ACOX3: variants seen among roughly 807,000 people sequenced by gnomAD.
ACOX3 encodes the protein acyl-CoA oxidase 3, pristanoyl, also known as peroxisomal acyl-coenzyme A oxidase 3.
Under a neutral mutation model 81.5 loss-of-function variants are expected in ACOX3, and 73 were observed. The ratio of observed to expected loss-of-function variants is 0.90; its 90% CI spans 0.74 to 1.09. The LOEUF is 1.09. Among genes scored for constraint, ACOX3 ranks in the 50% least tolerant of loss-of-function variants. The pLI, the probability that ACOX3 is intolerant of heterozygous loss-of-function variation, is 0.00. For missense variants in ACOX3, 947 were observed against 928.0 expected (o/e 1.02, Z -0.27); for synonymous variants, 387 against 375.1 (o/e 1.03, Z -0.37).
At chr4:8,417,075 G>C (rs1013009755) in intron 1 of ACOX3, among the ~76,000 whole-genome samples, 1 of 152,202 alleles carries the variant, frequency 6.6e-6, no homozygotes, top group Non-Finnish European at 1.5e-5. Flanking sequence ...GCTTCTCCTC[G>C]ACATATAGAC....
intron 13 of ACOX3, among the ~76,000 whole-genome samples, chr4:8,387,619 T>C (rs959308787): frequency 6.6e-6 from 1 of 152,194 alleles, no homozygotes; most frequent in South Asian, 2.1e-4. Context: ...AGACGGGGGC[T>C]GTGGTGGGAG....
At chr4:8,356,478 T>G in the ACOX3 span, 1 of 444,620 alleles carries the variant, frequency 2.2e-6, no homozygotes. Context: ...TGTACATTCA[T>G]GTTACTTGAC....
chr4:8,395,641 G>T (rs192083693), intron 9 of ACOX3, among the ~76,000 whole-genome samples: 1 of 152,328 alleles, frequency 6.6e-6, no homozygotes, highest in Admixed American at 6.5e-5. Flanking sequence ...CTTGCCTGGG[G>T]GCACACAGCC....
intron 16 of ACOX3, among the ~76,000 whole-genome samples, chr4:8,372,491 C>A (rs915942548): frequency 1.3e-5 from 2 of 152,206 alleles, no homozygotes; most frequent in Admixed American, 1.3e-4. Flanking sequence ...CTCTGAAGGC[C>A]TCCATGGGGT....
chr4:8,424,906 A>G (rs540758192), intron 1 of ACOX3, among the ~76,000 whole-genome samples: 1 of 152,364 alleles, frequency 6.6e-6, no homozygotes, highest in South Asian at 2.1e-4. Context: ...TGATAATGGA[A>G]TACTTGAAAG....
intron 10 of ACOX3, chr4:8,393,023 C>G (rs1239147420): frequency 6.6e-6 from 1 of 152,038 alleles, no homozygotes; most frequent in Non-Finnish European, 1.5e-5. Flanking sequence ...CTGTCCATGG[C>G]CAAACTACCC....
rs578079381 is a variant in ACOX3 at position 8,425,876 on chromosome 4, C to T, written c.-14-9341G>A. Reference sequence around the variant, plus strand: ...GCAGTAACCCAGCGAGTATCGCAGACGTTACTTAGGCATACAATATCACTT... The same window carrying T: ...GCAGTAACCCAGCGAGTATCGCAGATGTTACTTAGGCATACAATATCACTT... On this transcript the variant is annotated intron_variant, in intron 1 of 17. Transcript: ENST00000356406. 6.5e-4 allele frequency among the ~76,000 whole-genome samples: 99 copies of T among 152,148 alleles called. 1 individual carries two copies. Among genetic ancestry groups the T allele is most frequent in the Non-Finnish European group, 7.1e-4 (48 of 68,014 alleles).
intron 11 of ACOX3, 30 bp downstream of exon 11, chr4:8,392,303 G>A: frequency 6.7e-7 from 1 of 1,494,204 alleles, no homozygotes; most frequent in Non-Finnish European, 8.9e-7. Context: ...CTAAGGACAG[G>A]AAACCACCAT....
rs141176489 is a variant in ACOX3, at chr4:8,390,381, A to G, written c.1301-647T>C. Among the ~76,000 whole-genome samples, 1,193 of 150,708 alleles carry G rather than the reference A, an allele frequency of 7.9e-3. 8 individuals carry two copies. Among genetic ancestry groups the G allele is most frequent in the Non-Finnish European group, 0.013 (864 of 67,796 alleles). On this transcript the variant is annotated intron_variant, in intron 11 of 17. Coordinates refer to ENST00000356406, the MANE Select transcript of ACOX3 (RefSeq NM_003501.3). ...CCCTGAACTCAGCTTGACCAGACAC[A>G]AAGAACTGCCACCTGTGCTTCATAT...
rs185636439 is a variant in ACOX3, at chr4:8,423,855, T to A, written c.-14-7320A>T. Among the ~76,000 whole-genome samples, 162 of 152,334 alleles carry A rather than the reference T, an allele frequency of 1.1e-3. 2 individuals are homozygous for A. Among genetic ancestry groups the A allele is most frequent in the Middle Eastern group, 3.4e-3 (1 of 294 alleles). On this transcript the variant is annotated intron_variant, in intron 1 of 17. Transcript: ENST00000356406. The surrounding 1 kb of genome is among the most constrained non-coding windows in gnomAD (Gnocchi z 4.2). ...CCCAAGGGTTCATGGACAGCCCCCA[T>A]CTATTTGGCCAGGCATTAGCCCGAG...
At chr4:8,373,356 G>A (rs1443477384) in intron 16 of ACOX3, among the ~76,000 whole-genome samples, 2 of 151,968 alleles carry the variant, frequency 1.3e-5, no homozygotes, top group African/African-American at 4.8e-5. Context: ...GGCGGTGTGT[G>A]TCAGCTCTGG....
At chr4:8,377,894 G>A (rs377135457) in intron 14 of ACOX3, among the ~76,000 whole-genome samples, 23 of 152,174 alleles carry the variant, frequency 1.5e-4, no homozygotes, top group African/African-American at 5.3e-4. Context: ...CACTCCAGCC[G>A]AGAGTGCTCA....
chr4:8,375,081 C>T lies in ACOX3; in HGVS notation c.1725G>A (p.Val575=). ...LTVVQRFHEH[V]HQPSVPPSLR... ...GCGAGGGCGGCACGGAAGGCTGGTG[C>T]ACGTGCTCGTGGAACCTCTGGACCA... The change falls in exon 15 of 18, where the codon GTG becomes GTA. Residue 575 remains valine (V), a synonymous_variant. Transcript: ENST00000356406. 6.4e-7 allele frequency: 1 copy of T among 1,554,140 alleles called. No homozygotes were observed. The highest frequency in any genetic ancestry group is 8.7e-7 in the Non-Finnish European group (1 of 1,148,698).
In ACOX3 at chr4:8,400,643, G is replaced by T. The variant is rs1720268424; in HGVS notation, c.777-991C>A. Among the ~76,000 whole-genome samples, 1 of 152,192 alleles carries T rather than the reference G, an allele frequency of 6.6e-6. No homozygotes were observed. ...ACAACAGTCTAGGGAATAAGGCTAT[G>T]CTAGGTTAAGAATATTACATAAACT... On this transcript the variant is annotated intron_variant, in intron 7 of 17. Coordinates refer to ENST00000356406, the MANE Select transcript of ACOX3 (RefSeq NM_003501.3). The surrounding 1 kb of genome is among the most constrained non-coding windows in gnomAD (Gnocchi z 4.4).
chr4:8,375,139 C>T lies in ACOX3; in HGVS notation c.1667G>A (p.Arg556His), dbSNP rs745946888. 26 of 1,546,466 alleles carry T rather than the reference C, an allele frequency of 1.7e-5. No homozygotes were observed. The South Asian group carries it at 2.7e-4, about 16-fold the overall frequency. The part of the protein sequence containing the change: ...ARNKCQVSHG[R>H]PLALAFVELT... The stretch of plus-strand genomic sequence containing the variant: ...CTCCACGAAGGCCAGCGCCAACGGA[C>T]GGCCGTGGGACACCTGGAACACAGG... Residue 556 changes from arginine (R) to histidine (H), a missense_variant, in exon 15 of 18, where the codon CGT (arginine) becomes CAT (histidine). Coordinates refer to ENST00000356406, the MANE Select transcript of ACOX3 (RefSeq NM_003501.3).
rs1314582382 is a variant in ACOX3, at chr4:8,370,891, C to T, written c.1983+17G>A. ...CAACCCTTGGGGCACTCCCGTGAGG[C>T]CCTGTCCTCCCTTTACCTCGCCGTC... On this transcript the variant is annotated intron_variant, in intron 17 of 17. Coordinates refer to ENST00000356406, the MANE Select transcript of ACOX3 (RefSeq NM_003501.3). This position sits in a 1 kb window ranked among gnomAD's most constrained non-coding sequence, Gnocchi z 6.3. The T allele has an allele frequency of 4.3e-6, 7 of 1,611,848 alleles. No individual in the cohort carries two copies. Among genetic ancestry groups the T allele is most frequent in the East Asian group, 2.2e-5 (1 of 44,886 alleles).
intron 7 of ACOX3, among the ~76,000 whole-genome samples, chr4:8,404,261 GA>G (rs979786157): frequency 1.2e-4 from 18 of 152,322 alleles, no homozygotes; most frequent in African/African-American, 3.8e-4. Context: ...GGCACCCTGC[GA>G]AAGTAGTCAT....
At chr4:8,387,196 C>T (rs1046038915) in intron 13 of ACOX3, among the ~76,000 whole-genome samples, 11 of 152,266 alleles carry the variant, frequency 7.2e-5, no homozygotes, top group Non-Finnish European at 1.6e-4. Context: ...GCACTAAGTG[C>T]TTTACGTGCA....
rs773420966 is a variant in ACOX3 at position 8,366,949 on chromosome 4, G to T, written c.*12C>A. The T allele has an allele frequency of 6.2e-7, 1 of 1,613,470 alleles. No homozygotes were observed. The highest frequency in any genetic ancestry group is 8.5e-7 in the Non-Finnish European group (1 of 1,179,640). ...CGTTTCATTAGACTTGGCTGAATGTGTGCCAGTCCCACTAGAGCTTCGATT... is the reference window on the plus strand; with the variant it reads ...CGTTTCATTAGACTTGGCTGAATGTTTGCCAGTCCCACTAGAGCTTCGATT... On this transcript the variant is annotated 3_prime_UTR_variant, in exon 18 of 18. Transcript: ENST00000356406.
Sources: allele counts gnomAD v4.1 joint callset (sites outside exome capture counted in the v4.1 genomes callset), GRCh38; gene constraint gnomAD v4.1.1; non-coding constraint Gnocchi (gnomAD v3.1); transcripts MANE v1.5; gene names NCBI Gene and HGNC (gene_info 2026-07-23, HGNC 2026-07-21).